The following FGF13 variants were observed in gnomAD, a reference collection of about 807,000 sequenced individuals.
FGF13 encodes fibroblast growth factor homologous factor 2.
Under a neutral mutation model 19.5 loss-of-function variants are expected in FGF13, and 2 were observed. That is an observed-to-expected ratio of 0.10 (90% CI 0.04 to 0.32). The LOEUF is 0.32. Among genes scored for constraint, FGF13 ranks in the 10% least tolerant of loss-of-function variants. The pLI, the probability that FGF13 is intolerant of heterozygous loss-of-function variation, is 1.00. For missense variants in FGF13, 113 were observed against 192.7 expected, an observed-to-expected ratio of 0.59 and a Z score of 2.45; for synonymous variants, 72 against 76.9, an observed-to-expected ratio of 0.94 and a Z score of 0.33.
chrX:138,986,327 C>T (rs756680598), intron 1 of FGF13, among the ~76,000 whole-genome samples: 2 of 111,820 alleles, frequency 1.8e-5, no homozygotes, highest in South Asian at 3.8e-4. Context: ...TCATCTATCA[C>T]AATTTCTTTC....
chrX:138,709,597 A>T (rs1227064982), intron 1 of FGF13, among the ~76,000 whole-genome samples: 1 of 112,234 alleles, frequency 8.9e-6, no homozygotes, highest in Non-Finnish European at 1.9e-5. Flanking sequence ...ATCAGTGCAT[A>T]CTAATTTTTC....
intron 3 of FGF13, among the ~76,000 whole-genome samples, chrX:138,812,126 G>T (rs1280494116): frequency 9.0e-6 from 1 of 111,160 alleles, no homozygotes; most frequent in Non-Finnish European, 1.9e-5. Flanking sequence ...CTCTAGATTT[G>T]CCTATTCTAA....
At chrX:139,043,660 A>C (rs759262129) in intron 1 of FGF13, among the ~76,000 whole-genome samples, 1 of 111,962 alleles carries the variant, frequency 8.9e-6, no homozygotes, top group Admixed American at 9.5e-5. Context: ...CAAATACTAG[A>C]AAACAAAAGT....
At chrX:139,096,232 A>C (rs893622440) in intron 1 of FGF13, among the ~76,000 whole-genome samples, 5 of 112,088 alleles carry the variant, frequency 4.5e-5, no homozygotes, top group African/African-American at 1.6e-4. Context: ...ACTTGCTATG[A>C]AAAAGTCTGA....
chrX:138,645,389 G>C (rs1246195233), intron 3 of FGF13, among the ~76,000 whole-genome samples: 1 of 111,949 alleles, frequency 8.9e-6, no homozygotes, highest in Non-Finnish European at 1.9e-5. Flanking sequence ...TTTGCTGAAG[G>C]CTCAGCCCTC....
intron 1 of FGF13, among the ~76,000 whole-genome samples, chrX:139,141,102 T>TACATAC (rs796494202): frequency 1.0e-5 from 1 of 97,180 alleles, no homozygotes; most frequent in Admixed American, 1.1e-4. Flanking sequence ...GATAAGAGTG[T>TACATAC]ACACACACAC....
chrX:139,029,447 C>T (rs1216397488), intron 1 of FGF13, among the ~76,000 whole-genome samples: 1 of 111,914 alleles, frequency 8.9e-6, no homozygotes. Context: ...AATTTTACTG[C>T]CCTATCCAGA....
chrX:138,991,356 G>A (rs750286430), intron 1 of FGF13, among the ~76,000 whole-genome samples: 170 of 112,130 alleles, frequency 1.5e-3, no homozygotes, highest in African/African-American at 5.3e-3. Context: ...CATGCCTACT[G>A]TGTGTCTGGT....
chrX:138,719,960 C>T (rs1482993882), intron 1 of FGF13, among the ~76,000 whole-genome samples: 1 of 112,888 alleles, frequency 8.9e-6, no homozygotes, highest in Non-Finnish European at 1.9e-5. Context: ...AAGTTGAATA[C>T]ATTTGGCTTG....
intron 1 of FGF13, among the ~76,000 whole-genome samples, chrX:138,725,024 A>C (rs768372595): frequency 8.9e-6 from 1 of 112,230 alleles, no homozygotes. Context: ...TAAGTTTATT[A>C]AAAATATTTG....
intron 1 of FGF13, among the ~76,000 whole-genome samples, chrX:138,872,723 C>CT (rs2091364868): frequency 8.9e-6 from 1 of 112,248 alleles, no homozygotes; most frequent in South Asian, 3.7e-4. Flanking sequence ...CCATGATTCA[C>CT]TCTTTTATGG....
chrX:138,650,993 A>G (rs1410934588), intron 3 of FGF13, among the ~76,000 whole-genome samples: 1 of 111,843 alleles, frequency 8.9e-6, no homozygotes, highest in Non-Finnish European at 1.9e-5. Flanking sequence ...ACTCTATGCA[A>G]TTCAGATCTA....
intron 1 of FGF13, among the ~76,000 whole-genome samples, chrX:138,728,862 G>T (rs62602169): frequency 0.012 from 1,316 of 111,092 alleles, 16 homozygotes; most frequent in African/African-American, 0.029. Flanking sequence ...TAAGAGAACA[G>T]AGACAAACCA....
At chrX:139,066,339 C>T (rs977375064) in intron 1 of FGF13, among the ~76,000 whole-genome samples, 3 of 110,144 alleles carry the variant, frequency 2.7e-5, no homozygotes, top group East Asian at 2.9e-4. Context: ...GAACTGAAGG[C>T]GATAGAGACA....
intron 1 of FGF13, among the ~76,000 whole-genome samples, chrX:139,157,789 T>G (rs1207556857): frequency 3.5e-5 from 4 of 112,798 alleles, no homozygotes; most frequent in African/African-American, 1.3e-4. Flanking sequence ...GGGTAGGGGC[T>G]GGAAGAAGTT....
At chrX:138,889,919 T>G (rs1446331905) in intron 1 of FGF13, among the ~76,000 whole-genome samples, 1 of 106,484 alleles carries the variant, frequency 9.4e-6, no homozygotes, top group Non-Finnish European at 1.9e-5. Flanking sequence ...TTACCCAACC[T>G]CTCCCTTTTG....
At chrX:138,789,107 T>C (rs2090717829) in intron 3 of FGF13, among the ~76,000 whole-genome samples, 1 of 112,180 alleles carries the variant, frequency 8.9e-6, no homozygotes, top group South Asian at 3.7e-4. Flanking sequence ...TGAAATTTCA[T>C]CAGAATGGCC....
chrX:139,128,637 A>C (rs183846786), intron 1 of FGF13, among the ~76,000 whole-genome samples: 69 of 112,763 alleles, frequency 6.1e-4, no homozygotes, highest in African/African-American at 2.0e-3. Context: ...GACCTTGAAC[A>C]AGTCAGTCTG....
At chrX:139,057,083 A>T (rs1383779618) in intron 1 of FGF13, among the ~76,000 whole-genome samples, 2 of 111,272 alleles carry the variant, frequency 1.8e-5, no homozygotes, top group African/African-American at 6.5e-5. Flanking sequence ...AAATGATGGG[A>T]TTGGGTAGAT....
Sources: gnomAD v4.1 joint callset for allele counts (sites outside exome capture counted in the v4.1 genomes callset) on GRCh38, gnomAD v4.1.1 for gene constraint, MANE v1.5 for transcripts, NCBI Gene and HGNC (gene_info 2026-07-23, HGNC 2026-07-21) for gene names.